Variants in ANKRD50 observed in about 807,000 individuals in gnomAD.
ANKRD50 encodes the protein ankyrin repeat domain-containing protein 50.
A neutral mutation model predicts 112.0 loss-of-function variants in ANKRD50; 40 were observed. That is an observed-to-expected ratio of 0.36 (90% CI 0.28 to 0.46). The LOEUF is 0.46. ANKRD50 is among the 20% of genes least tolerant of loss of function. The probability of loss-of-function intolerance (pLI) is 1.00; values close to 1 mark genes in which losing one functional copy is unlikely to be tolerated. For missense variants in ANKRD50, 1,487 were observed against 1,701.7 expected, an observed-to-expected ratio of 0.87 and a Z score of 2.22; for synonymous variants, 613 against 619.1, an observed-to-expected ratio of 0.99 and a Z score of 0.15.
At chr4:124,675,614 CTT>C (rs1219922607) in intron 3 of ANKRD50, among the ~76,000 whole-genome samples, 1 of 151,832 alleles carries the variant, frequency 6.6e-6, no homozygotes, top group East Asian at 1.9e-4. Flanking sequence ...ATTAAGCACT[CTT>C]ATTAGTATCT....
chr4:124,700,334 C>T (rs1405981948), intron 2 of ANKRD50, among the ~76,000 whole-genome samples: 1 of 152,168 alleles, frequency 6.6e-6, no homozygotes, highest in Non-Finnish European at 1.5e-5. Flanking sequence ...TTATTCTAAA[C>T]ATAGTAAGAA....
chr4:124,677,999 G>A (rs746661165), intron 3 of ANKRD50, among the ~76,000 whole-genome samples: 3 of 152,084 alleles, frequency 2.0e-5, no homozygotes, highest in Non-Finnish European at 4.4e-5. Flanking sequence ...GAAACCAAAA[G>A]TGCTGCCTTT....
rs750372852 is a variant in ANKRD50, at chr4:124,671,872, C to T, written c.1405G>A (p.Ala469Thr). 9.3e-6 allele frequency: 15 copies of T among 1,613,774 alleles called. No individual in the cohort carries two copies. The highest frequency in any genetic ancestry group is 1.1e-5 in the South Asian group (1 of 91,074). ...CATATCATCCACAGAGCTAACTCCG[C>T]TGTCTCTAATTGTAAGTTTGAGTTA... The part of the protein sequence containing the change: ...LINSNLQLET[A>T]ELALWMIWNG... Residue 469 changes from alanine to threonine, a missense_variant, in exon 4 of 5, where the codon GCG becomes ACG. Ala to Thr is a moderately conservative substitution (Grantham distance 58). This residue lies in a region of ANKRD50 where 1,046 missense variants were observed against 1,269.5 expected (regional missense o/e 0.82). Coordinates refer to ENST00000504087, the MANE Select transcript of ANKRD50 (RefSeq NM_020337.3).
chr4:124,688,144 A>G (rs1403071263), intron 2 of ANKRD50, among the ~76,000 whole-genome samples: 1 of 152,204 alleles, frequency 6.6e-6, no homozygotes, highest in Non-Finnish European at 1.5e-5. Context: ...TGGCATATCC[A>G]TACAACAGAG....
chr4:124,687,497 G>A (rs970063644), intron 2 of ANKRD50, among the ~76,000 whole-genome samples: 4 of 151,752 alleles, frequency 2.6e-5, no homozygotes, highest in Non-Finnish European at 4.4e-5. Flanking sequence ...CACCAAAAGC[G>A]GGATCCATAG....
At position 124,670,102 on chromosome 4, in the gene ANKRD50, C is replaced by A; in HGVS notation, c.3175G>T (p.Asp1059Tyr). 6.2e-7 allele frequency: 1 copy of A among 1,613,470 alleles called. No individual in the cohort carries two copies. The highest frequency in any genetic ancestry group is 8.5e-7 in the Non-Finnish European group (1 of 1,179,762). ...LCIAAQEGHI[D>Y]VVQVLLEHGA... The stretch of plus-strand genomic sequence containing the variant: ...TGCTCTAATAAGACCTGAACAACAT[C>A]AATGTGCCCTTCCTGGGCTGCAATA... Residue 1059 changes from aspartate (D) to tyrosine (Y), a missense_variant, in exon 4 of 5, where the codon GAT (aspartate) becomes TAT (tyrosine). Coordinates refer to ENST00000504087, the MANE Select transcript of ANKRD50 (RefSeq NM_020337.3).
rs552570962 is a variant in ANKRD50, at chr4:124,668,632, AACT to A, written c.*3+349_*3+351del. ...CTTATTCAACAAATTTTTACTGGGA[AACT>A]ACCATAGGTCCAAGCACTATTCCAA... On this transcript the variant is annotated intron_variant, in intron 4 of 4. Transcript: ENST00000504087. Among the ~76,000 whole-genome samples, 177 of 152,200 alleles carry A rather than the reference AACT, an allele frequency of 1.2e-3. 1 individual carries two copies. Among genetic ancestry groups the A allele is most frequent in the African/African-American group, 4.2e-3 (173 of 41,534 alleles).
intron 3 of ANKRD50, among the ~76,000 whole-genome samples, 169 bp downstream of exon 3, chr4:124,678,507 T>G (rs918613725): frequency 1.9e-4 from 29 of 152,146 alleles, no homozygotes; most frequent in Non-Finnish European, 3.7e-4. Flanking sequence ...TTAAATGATC[T>G]TAAAAACATG....
At chr4:124,703,426 A>G (rs1412182811) in intron 2 of ANKRD50, among the ~76,000 whole-genome samples, 1 of 152,152 alleles carries the variant, frequency 6.6e-6, no homozygotes, top group African/African-American at 2.4e-5. Flanking sequence ...AAATTCTGGG[A>G]GTGATAAAAA....
intron 2 of ANKRD50, among the ~76,000 whole-genome samples, chr4:124,707,464 C>A (rs1721714875): frequency 6.6e-6 from 1 of 152,028 alleles, no homozygotes; most frequent in Non-Finnish European, 1.5e-5. Flanking sequence ...ATTGTGCTCT[C>A]AGGTTTGCAA....
In ANKRD50 at chr4:124,671,128, C is replaced by A; in HGVS notation, c.2149G>T (p.Ala717Ser). The A allele has an allele frequency of 1.2e-6, 2 of 1,613,862 alleles. No individual in the cohort carries two copies. The highest frequency in any genetic ancestry group is 2.2e-5 in the South Asian group (2 of 91,084). Residue 717 changes from alanine to serine, a missense_variant, in exon 4 of 5, where the codon GCT becomes TCT. Around this residue, in one of 2 missense-constraint regions of ANKRD50, gnomAD observed 1,046 missense variants for 1,269.5 expected, o/e 0.82. Coordinates refer to ENST00000504087, the MANE Select transcript of ANKRD50 (RefSeq NM_020337.3). Reference protein sequence around the residue: ...DVDGRTALSVAALCVPASKGH... With the variant: ...DVDGRTALSVSALCVPASKGH... The stretch of plus-strand genomic sequence containing the variant: ...TTACTTGCAGGCACACAAAGTGCAG[C>A]TACAGAGAGTGCAGTCCTGCCATCA...
At chr4:124,709,903 G>A in intron 2 of ANKRD50, 97 bp downstream of exon 2, 1 of 1,485,204 alleles carries the variant, frequency 6.7e-7, no homozygotes, top group Non-Finnish European at 9.0e-7. Context: ...TACAGCACCA[G>A]TAAAAGTAAC....
At chr4:124,709,297 T>C (rs762404820) in intron 2 of ANKRD50, among the ~76,000 whole-genome samples, 4 of 152,134 alleles carry the variant, frequency 2.6e-5, no homozygotes, top group Non-Finnish European at 5.9e-5. Flanking sequence ...GATTTGAATC[T>C]GAAACCACTC....
rs528912148 is a variant in ANKRD50, at chr4:124,682,199, C to T, written c.513-3294G>A. Among the ~76,000 whole-genome samples the T allele has an allele frequency of 5.3e-5, 8 of 151,700 alleles. No homozygotes were observed. In the South Asian group the frequency reaches 1.7e-3, roughly 32 times the overall value. On this transcript the variant is annotated intron_variant, in intron 2 of 4. Transcript: ENST00000504087. Reference sequence around the variant, plus strand: ...GGCGCGGTGGCAGGCGCCTGTAGTCCCAGCTCCTTGGGAGGCTGAGGCAGG... The same window carrying T: ...GGCGCGGTGGCAGGCGCCTGTAGTCTCAGCTCCTTGGGAGGCTGAGGCAGG...
At chr4:124,674,334 T>A (rs1440823976) in intron 3 of ANKRD50, among the ~76,000 whole-genome samples, 1 of 151,916 alleles carries the variant, frequency 6.6e-6, no homozygotes, top group Admixed American at 6.6e-5. Flanking sequence ...AACTAAGATG[T>A]CATGATTGGA....
At chr4:124,686,961 C>T (rs1412726495) in intron 2 of ANKRD50, among the ~76,000 whole-genome samples, 1 of 152,116 alleles carries the variant, frequency 6.6e-6, no homozygotes, top group East Asian at 1.9e-4. Flanking sequence ...AGGCCCATTT[C>T]CAGGTAAAGA....
chr4:124,672,570 G>T, intron 3 of ANKRD50, 36 bp from the exon 4 acceptor site: 1 of 1,433,712 alleles, frequency 7.0e-7, no homozygotes, highest in Non-Finnish European at 9.4e-7. Flanking sequence ...GTAATCAGTT[G>T]AAAAGGATTA....
chr4:124,708,691 TACACACAC>T (rs10558584), intron 2 of ANKRD50, among the ~76,000 whole-genome samples: 1,582 of 145,656 alleles, frequency 0.011, 12 homozygotes, highest in East Asian at 0.03. Context: ...TACTAACACA[TACACACAC>T]ACACACACAC....
intron 3 of ANKRD50, among the ~76,000 whole-genome samples, chr4:124,675,001 A>G (rs1013475910): frequency 1.3e-5 from 2 of 151,774 alleles, no homozygotes; most frequent in Non-Finnish European, 3.0e-5. Context: ...ATGAACACAC[A>G]CAATATATAG....
Sources: gnomAD v4.1 joint callset for allele counts (sites outside exome capture counted in the v4.1 genomes callset) on GRCh38, gnomAD v4.1.1 for gene constraint, gnomAD v4.1.1 regional missense constraint, MANE v1.5 for transcripts, NCBI Gene and HGNC (gene_info 2026-07-23, HGNC 2026-07-21) for gene names.